The following USP7 variants were observed in gnomAD, a reference collection of about 807,000 sequenced individuals.
The protein encoded by USP7 is ubiquitin specific peptidase 7, also known as ubiquitin C-terminal hydrolase 7.
In USP7, 9 loss-of-function variants were observed where a neutral mutation model predicts 162.9. The observed-to-expected ratio is 0.06, with a 90% CI of 0.03 to 0.10. USP7 has a LOEUF of 0.10. Among genes scored for constraint, USP7 ranks in the 10% least tolerant of loss-of-function variants. USP7 has a pLI of 1.00. For synonymous variants in USP7, 562 were observed against 475.9 expected (o/e 1.18, Z -2.35); for missense variants, 715 against 1,373.7 (o/e 0.52, Z 7.58).
At chr16:8,957,762 T>C (rs200680132) in intron 1 of USP7, among the ~76,000 whole-genome samples, 1 of 125,946 alleles carries the variant, frequency 7.9e-6, no homozygotes, top group Non-Finnish European at 1.6e-5. Flanking sequence ...GTCTCTTAAA[T>C]TAAAAAAAAA....
intron 1 of USP7, among the ~76,000 whole-genome samples, chr16:8,952,967 G>C (rs1899626600): frequency 2.0e-5 from 3 of 152,042 alleles, no homozygotes; most frequent in Admixed American, 1.3e-4. Flanking sequence ...CTCCCAAGTA[G>C]CTGGGATTAC....
At chr16:8,938,789 C>CT (rs1898895682) in intron 1 of USP7, among the ~76,000 whole-genome samples, 16 of 151,712 alleles carry the variant, frequency 1.1e-4, no homozygotes, top group Non-Finnish European at 4.4e-5. Flanking sequence ...ATTCCCAAAA[C>CT]AATAGTCTAC....
At chr16:8,951,489 C>T (rs561307632) in intron 1 of USP7, among the ~76,000 whole-genome samples, 2 of 151,768 alleles carry the variant, frequency 1.3e-5, no homozygotes, top group African/African-American at 2.4e-5. Flanking sequence ...CTGAGCCAGC[C>T]GGATTCATGT....
chr16:8,951,772 G>C (rs1899564652), intron 1 of USP7, among the ~76,000 whole-genome samples: 1 of 152,192 alleles, frequency 6.6e-6, no homozygotes, highest in South Asian at 2.1e-4. Flanking sequence ...AGCATGGTTT[G>C]CTTTAGGAAT....
At chr16:8,898,938 A>T (rs1567207572) in intron 23 of USP7, among the ~76,000 whole-genome samples, 183 bp downstream of exon 23, 1 of 152,218 alleles carries the variant, frequency 6.6e-6, no homozygotes, top group Non-Finnish European at 1.5e-5. Context: ...TGAGGCTGTC[A>T]ATTATTTTAA....
chr16:8,896,884 T>G (rs1335486481), intron 26 of USP7, 115 bp downstream of exon 26: 1 of 802,798 alleles, frequency 1.2e-6, no homozygotes, highest in East Asian at 2.4e-5. Flanking sequence ...CCACTGAGTC[T>G]GGGAATGACG....
chr16:8,914,989 G>C (rs2062006797), intron 10 of USP7, among the ~76,000 whole-genome samples: 1 of 152,190 alleles, frequency 6.6e-6, no homozygotes. Context: ...AACATGCAAA[G>C]TTAACCCAGG....
At chr16:8,950,750 C>G (rs1276169816) in intron 1 of USP7, among the ~76,000 whole-genome samples, 1 of 152,218 alleles carries the variant, frequency 6.6e-6, no homozygotes, top group Non-Finnish European at 1.5e-5. Flanking sequence ...ATCCCACTGG[C>G]GAGGGACCCA....
intron 1 of USP7, among the ~76,000 whole-genome samples, chr16:8,932,047 G>C (rs1248495579): frequency 6.6e-6 from 1 of 152,118 alleles, no homozygotes; most frequent in Non-Finnish European, 1.5e-5. Context: ...ACCACGGACA[G>C]TGCCATGCTC....
intron 1 of USP7, among the ~76,000 whole-genome samples, chr16:8,941,724 G>A (rs1899054341): frequency 6.6e-6 from 1 of 152,194 alleles, no homozygotes; most frequent in Non-Finnish European, 1.5e-5. Flanking sequence ...AGGATCAGCT[G>A]TGTTGGGTGG....
At chr16:8,895,839 GT>G (rs34586799) in intron 26 of USP7, 98 bp from the exon 27 acceptor site, 88,205 of 518,992 alleles carry the variant, frequency 0.17, 751 homozygotes, top group Middle Eastern at 0.22. Flanking sequence ...ACCACGATAT[GT>G]TTTTTTTTTT....
In USP7 at chr16:8,892,158, A is replaced by G. The variant is rs904091871; in HGVS notation, c.*1840T>C. 7.9e-5 allele frequency: 12 copies of G among 152,282 alleles called. No individual in the cohort carries two copies. In the East Asian group the frequency reaches 2.3e-3, roughly 29 times the overall value. The allele number at this position is 152,282 out of a possible 1,614,324, so 9.4% of individuals were successfully genotyped here. A position where few individuals can be genotyped will look rare whatever the true frequency, so the allele number is the denominator to read the frequency against. ...TAGGAACTTTCAGTTACCTAAGACT[A>G]CAGCCAACCCCCAGCCCAGAACAAA... is the stretch of plus-strand genomic sequence containing the variant. On this transcript the variant is annotated 3_prime_UTR_variant, in exon 31 of 31. Coordinates refer to ENST00000344836, the MANE Select transcript of USP7 (RefSeq NM_003470.3).
intron 1 of USP7, among the ~76,000 whole-genome samples, chr16:8,951,958 G>A (rs1259955765): frequency 6.6e-6 from 1 of 152,250 alleles, no homozygotes; most frequent in Admixed American, 6.5e-5. Flanking sequence ...TATATTCAAA[G>A]CATGTGGGGA....
rs148725870 is a variant in USP7, at chr16:8,928,077, T to C, written c.184+2216A>G. Among the ~76,000 whole-genome samples the C allele has an allele frequency of 3.1e-4, 47 of 152,344 alleles. No homozygotes were observed. The East Asian group carries it at 9.1e-3, about 29-fold the overall frequency. On this transcript the variant is annotated intron_variant, in intron 2 of 30. Transcript: ENST00000344836. ...TAGAATGAGTAGATACAGTAAAAGA[T>C]AATTCTGATACTTGCCCGAAATTCT...
intron 14 of USP7, among the ~76,000 whole-genome samples, chr16:8,904,879 G>A (rs1287494913): frequency 6.6e-6 from 1 of 152,208 alleles, no homozygotes; most frequent in East Asian, 1.9e-4. Context: ...GGCTGAGGCA[G>A]GAGAGTGGCG....
intron 24 of USP7, 43 bp downstream of exon 24, chr16:8,898,488 C>A (rs377685035): frequency 4.4e-6 from 7 of 1,604,198 alleles, no homozygotes; most frequent in Non-Finnish European, 6.0e-6. Context: ...AAACCCCGAG[C>A]CTTCTCTTTA....
intron 12 of USP7, 28 bp downstream of exon 12, chr16:8,908,313 C>G (rs771871815): frequency 2.0e-5 from 32 of 1,576,986 alleles, no homozygotes; most frequent in Non-Finnish European, 2.8e-5. Context: ...ATGATGAAAT[C>G]TTAACTTTAT....
intron 5 of USP7, among the ~76,000 whole-genome samples, chr16:8,919,759 T>A (rs548282057): frequency 8.3e-6 from 1 of 120,822 alleles, no homozygotes; most frequent in South Asian, 3.0e-4. Flanking sequence ...TCCACGCCCA[T>A]CTCCCTCTGT....
At chr16:8,922,050 G>A (rs534278500) in intron 3 of USP7, among the ~76,000 whole-genome samples, 1 of 152,312 alleles carries the variant, frequency 6.6e-6, no homozygotes, top group South Asian at 2.1e-4. Flanking sequence ...CTTTTCCAAA[G>A]TGCTTCAGGC....
Sources: allele counts gnomAD v4.1 joint callset (sites outside exome capture counted in the v4.1 genomes callset), GRCh38; gene constraint gnomAD v4.1.1; transcripts MANE v1.5; gene names NCBI Gene and HGNC (gene_info 2026-07-23, HGNC 2026-07-21).